The following DTNB variants were observed in gnomAD, a reference collection of about 807,000 sequenced individuals.
DTNB encodes DTN-B.
Under a neutral mutation model 90.7 loss-of-function variants are expected in DTNB, and 63 were observed. That is an observed-to-expected ratio of 0.69 (90% CI 0.57 to 0.86). The LOEUF is 0.86. DTNB is among the 40% of genes least tolerant of loss of function. The pLI, the probability that DTNB is intolerant of heterozygous loss-of-function variation, is 0.00. For missense variants in DTNB, 744 were observed against 807.1 expected, an observed-to-expected ratio of 0.92 and a Z score of 0.95; for synonymous variants, 277 against 286.7, an observed-to-expected ratio of 0.97 and a Z score of 0.34.
At chr2:25,479,801 T>G (rs1254764278) in intron 10 of DTNB, among the ~76,000 whole-genome samples, 1 of 152,248 alleles carries the variant, frequency 6.6e-6, no homozygotes, top group African/African-American at 2.4e-5. Flanking sequence ...TCCTGCATTT[T>G]TATCACTGTG....
chr2:25,389,069 A>G (rs545112551), intron 16 of DTNB, among the ~76,000 whole-genome samples: 1 of 152,270 alleles, frequency 6.6e-6, no homozygotes, highest in African/African-American at 2.4e-5. Context: ...GTTGGTCTTT[A>G]ACTCCTGAGC....
intron 12 of DTNB, among the ~76,000 whole-genome samples, chr2:25,449,541 C>T (rs1004478273): frequency 6.6e-6 from 1 of 152,132 alleles, no homozygotes; most frequent in Non-Finnish European, 1.5e-5. Context: ...ACAGTGGTAT[C>T]ATTGGCATTT....
chr2:25,641,252 A>G (rs552716165), intron 2 of DTNB, among the ~76,000 whole-genome samples: 3 of 152,300 alleles, frequency 2.0e-5, no homozygotes, highest in Admixed American at 6.5e-5. Context: ...TAGAAATCTA[A>G]TAACACTCCA....
At chr2:25,521,494 G>A (rs532935685) in intron 9 of DTNB, among the ~76,000 whole-genome samples, 3 of 150,742 alleles carry the variant, frequency 2.0e-5, no homozygotes, top group Admixed American at 1.3e-4. Flanking sequence ...AGCAATCCTC[G>A]TGCCTCAGCC....
intron 9 of DTNB, among the ~76,000 whole-genome samples, chr2:25,495,869 T>C (rs1007399427): frequency 1.3e-5 from 2 of 152,228 alleles, no homozygotes; most frequent in Non-Finnish European, 2.9e-5. Flanking sequence ...AGTTTACTGA[T>C]CATTTACAAT....
chr2:25,437,848 C>G (rs1289803179), intron 12 of DTNB, among the ~76,000 whole-genome samples: 3 of 152,168 alleles, frequency 2.0e-5, no homozygotes, highest in Admixed American at 2.0e-4. Context: ...TAGGGATGTT[C>G]TGGTGAATAG....
chr2:25,529,979 A>G (rs2077851635), intron 9 of DTNB, among the ~76,000 whole-genome samples: 1 of 152,222 alleles, frequency 6.6e-6, no homozygotes, highest in Non-Finnish European at 1.5e-5. Context: ...TACAAAGTGG[A>G]AGTCAAAAAG....
At chr2:25,407,237 G>A (rs1002344761) in intron 16 of DTNB, among the ~76,000 whole-genome samples, 1 of 152,154 alleles carries the variant, frequency 6.6e-6, no homozygotes, top group Non-Finnish European at 1.5e-5. Context: ...CCTTACCCCT[G>A]CAAGAATCGT....
intron 8 of DTNB, chr2:25,576,623 G>A: frequency 1.1e-5 from 6 of 536,374 alleles, no homozygotes; most frequent in East Asian, 3.4e-5. Flanking sequence ...CATTTCAAAT[G>A]TACTATCTTT....
At chr2:25,649,558 A>T (rs889519167) in intron 2 of DTNB, among the ~76,000 whole-genome samples, 2 of 152,100 alleles carry the variant, frequency 1.3e-5, no homozygotes, top group Non-Finnish European at 2.9e-5. Flanking sequence ...ATCACTACGA[A>T]AAACAAGAAA....
intron 16 of DTNB, among the ~76,000 whole-genome samples, chr2:25,416,812 G>C (rs1273833187): frequency 1.7e-5 from 2 of 118,340 alleles, no homozygotes; most frequent in African/African-American, 3.1e-5. Flanking sequence ...AACGAAGGAA[G>C]GAAGGAAGGA....
At chr2:25,386,959 G>C (rs2039642797) in intron 18 of DTNB, among the ~76,000 whole-genome samples, 1 of 152,184 alleles carries the variant, frequency 6.6e-6, no homozygotes, top group African/African-American at 2.4e-5. Context: ...CCTAGGGAGA[G>C]AGCGGCTGTG....
At chr2:25,590,536 T>A (rs904581275) in intron 6 of DTNB, among the ~76,000 whole-genome samples, 3 of 151,878 alleles carry the variant, frequency 2.0e-5, no homozygotes, top group African/African-American at 7.3e-5. Flanking sequence ...TCTCTTCAGC[T>A]CTCAGCAGAG....
intron 9 of DTNB, among the ~76,000 whole-genome samples, chr2:25,488,137 G>A (rs2066575829): frequency 6.6e-6 from 1 of 152,162 alleles, no homozygotes; most frequent in South Asian, 2.1e-4. Flanking sequence ...ATATCATGTA[G>A]GATATATTGG....
intron 16 of DTNB, among the ~76,000 whole-genome samples, chr2:25,415,618 C>T (rs1409401488): frequency 6.6e-6 from 1 of 152,032 alleles, no homozygotes; most frequent in Non-Finnish European, 1.5e-5. Flanking sequence ...AAGTTTCAGC[C>T]CCTTCCACCA....
intron 7 of DTNB, among the ~76,000 whole-genome samples, chr2:25,580,413 C>T (rs565673088): frequency 6.6e-5 from 10 of 151,672 alleles, no homozygotes; most frequent in African/African-American, 2.2e-4. Flanking sequence ...CCCAGCTACT[C>T]GGGAGGCTGA....
intron 2 of DTNB, among the ~76,000 whole-genome samples, chr2:25,647,772 A>C (rs1368614774): frequency 2.0e-5 from 3 of 152,134 alleles, no homozygotes; most frequent in African/African-American, 7.2e-5. Flanking sequence ...AATTAATAAT[A>C]AAAATTAGAG....
chr2:25,535,291 C>A (rs1010294989), intron 8 of DTNB, among the ~76,000 whole-genome samples: 24 of 147,650 alleles, frequency 1.6e-4, no homozygotes, highest in African/African-American at 6.1e-4. Context: ...GCGCTCCTCA[C>A]TTCCCAGACG....
At chr2:25,611,060 T>C (rs932960309) in intron 4 of DTNB, among the ~76,000 whole-genome samples, 15 of 152,210 alleles carry the variant, frequency 9.9e-5, no homozygotes, top group Admixed American at 6.5e-4. Context: ...TTGGCAGCAA[T>C]TGAACTTCAT....
Sources: allele counts gnomAD v4.1 joint callset (sites outside exome capture counted in the v4.1 genomes callset), GRCh38; gene constraint gnomAD v4.1.1; transcripts MANE v1.5; gene names NCBI Gene and HGNC (gene_info 2026-07-23, HGNC 2026-07-21).